The following ENG variants were observed in gnomAD, a reference collection of about 807,000 sequenced individuals.
The protein encoded by ENG is endoglin.
ENG carries 17 observed loss-of-function variants against 71.0 expected under a neutral mutation model. That is an observed-to-expected ratio of 0.24 (90% CI 0.16 to 0.36). The LOEUF is 0.36. Ranked by LOEUF, ENG falls within the 10% of genes least tolerant of loss-of-function variation. The pLI, the probability that ENG is intolerant of heterozygous loss-of-function variation, is 1.00. For missense variants in ENG, 749 were observed against 868.3 expected (o/e 0.86, Z 1.73); for synonymous variants, 360 against 366.9 (o/e 0.98, Z 0.21).
chr9:127,824,494 C>T lies in ENG; in HGVS notation c.992-48G>A. 3.7e-6 allele frequency: 5 copies of T among 1,364,886 alleles called. 1 individual carries two copies. Among genetic ancestry groups the T allele is most frequent in the South Asian group, 3.5e-5 (3 of 84,692 alleles). 84.5% of individuals were successfully genotyped at this position (1,364,886 alleles called of 1,614,324 possible). On this transcript the variant is annotated intron_variant, in intron 7 of 14. Coordinates refer to ENST00000373203, the MANE Select transcript of ENG (RefSeq NM_001114753.3). Reference sequence around the variant, plus strand: ...CAGGCGGCTGGTCACTGTGTGATCACTGTGTGCCCGCACCAGGCTTTTTTT... The same window carrying T: ...CAGGCGGCTGGTCACTGTGTGATCATTGTGTGCCCGCACCAGGCTTTTTTT...
intron 4 of ENG, 79 bp from the exon 5 acceptor site, chr9:127,825,939 A>G (rs1830605525): frequency 1.3e-6 from 2 of 1,529,472 alleles, no homozygotes; most frequent in East Asian, 4.9e-5. Context: ...CCACAGCCAA[A>G]GATAGTGGTG....
At chr9:127,825,634 G>GC in intron 5 of ENG, 61 bp downstream of exon 5, 1 of 1,378,426 alleles carries the variant, frequency 7.3e-7, no homozygotes, top group Non-Finnish European at 9.6e-7. Context: ...GGGGCGGGGG[G>GC]GGTCAGGGGG....
intron 2 of ENG, among the ~76,000 whole-genome samples, chr9:127,834,453 A>G (rs1249405895): frequency 6.6e-6 from 1 of 151,884 alleles, no homozygotes; most frequent in Non-Finnish European, 1.5e-5. Context: ...TCTGTTGCCC[A>G]GGCTAAAGTA....
intron 6 of ENG, 126 bp from the exon 7 acceptor site, chr9:127,825,100 C>G (rs779772383): frequency 2.2e-4 from 357 of 1,593,894 alleles, no homozygotes; most frequent in South Asian, 1.5e-3. Context: ...TCTGCCTGGC[C>G]CCTTCCCTCA....
In ENG at chr9:127,817,398, T is replaced by C. The variant is rs1399982916; in HGVS notation, c.1687-195A>G. 6.1e-6 allele frequency: 4 copies of C among 651,366 alleles called. 1 individual carries two copies. In the East Asian group the frequency reaches 1.1e-4, roughly 18 times the overall value. 40.3% of individuals were successfully genotyped at this position (651,366 alleles called of 1,614,324 possible). A position where few individuals can be genotyped will look rare whatever the true frequency, so the allele number is the denominator to read the frequency against. ...GGGTGCCTAGTGGACGATCCCTGGC[T>C]GCTGCTGAAATGTTTCCTGTGAGTT... On this transcript the variant is annotated intron_variant, in intron 12 of 14. Transcript: ENST00000373203.
chr9:127,816,124 C>G (rs1830307590), intron 13 of ENG, 71 bp from the exon 14 acceptor site: 2 of 1,556,146 alleles, frequency 1.3e-6, no homozygotes, highest in Non-Finnish European at 1.7e-6. Flanking sequence ...TGTGCTGGCC[C>G]ATGTGGGCTT....
intron 1 of ENG, 28 bp from the exon 2 acceptor site, chr9:127,843,273 CAGGTG>C (rs1408476475): frequency 6.2e-7 from 1 of 1,613,846 alleles, no homozygotes; most frequent in Non-Finnish European, 8.5e-7. Flanking sequence ...GGAAAGAGGC[CAGGTG>C]AGAATAAGGT....
intron 2 of ENG, among the ~76,000 whole-genome samples, chr9:127,841,400 G>C (rs549799101): frequency 8.5e-5 from 13 of 152,226 alleles, no homozygotes; most frequent in African/African-American, 3.1e-4. Flanking sequence ...GGGGATCCCA[G>C]TCACCCAGAG....
At chr9:127,852,196 G>A (rs559958539) in intron 1 of ENG, among the ~76,000 whole-genome samples, 2 of 152,204 alleles carry the variant, frequency 1.3e-5, no homozygotes, top group Admixed American at 6.5e-5. Context: ...TTTGTTACAG[G>A]TACCCACGGA....
intron 13 of ENG, 192 bp downstream of exon 13, chr9:127,816,957 A>C (rs1280504479): frequency 7.4e-6 from 5 of 673,132 alleles, no homozygotes; most frequent in Non-Finnish European, 1.3e-5. Context: ...TCCATCTGCA[A>C]AGTGCAGCTC....
intron 2 of ENG, among the ~76,000 whole-genome samples, chr9:127,834,498 G>T (rs532043314): frequency 1.3e-5 from 2 of 152,166 alleles, no homozygotes; most frequent in African/African-American, 2.4e-5. Context: ...TCCACCTCCT[G>T]GGTTCAAGCA....
At chr9:127,843,317 T>A in intron 1 of ENG, 72 bp from the exon 2 acceptor site, 1 of 1,605,000 alleles carries the variant, frequency 6.2e-7, no homozygotes, top group Non-Finnish European at 8.5e-7. Flanking sequence ...TTTCCAAACG[T>A]CTCCTAGGGA....
rs1831087559 is a variant in ENG, at chr9:127,843,315, C to T, written c.68-70G>A. ...ATGACAATGACTCCTACTTTCCAAACGTCTCCTAGGGACTTGACATGAGCT... is the reference window on the plus strand; with the variant it reads ...ATGACAATGACTCCTACTTTCCAAATGTCTCCTAGGGACTTGACATGAGCT... On this transcript the variant is annotated intron_variant, in intron 1 of 14. Coordinates refer to ENST00000373203, the MANE Select transcript of ENG (RefSeq NM_001114753.3). 8.1e-6 allele frequency: 13 copies of T among 1,607,098 alleles called. 1 individual carries two copies. Among genetic ancestry groups the T allele is most frequent in the South Asian group, 7.7e-5 (7 of 90,704 alleles).
intron 10 of ENG, chr9:127,819,172 C>T (rs1053613395): frequency 8.4e-5 from 29 of 343,390 alleles, no homozygotes; most frequent in African/African-American, 5.1e-4. Flanking sequence ...CTCTTCACCT[C>T]GTGATCTGCC....
chr9:127,832,069 C>CTTTTTTTTTTTT (rs1041729379), intron 2 of ENG, among the ~76,000 whole-genome samples: 9 of 83,620 alleles, frequency 1.1e-4, no homozygotes, highest in African/African-American at 4.5e-4. Context: ...AGCTACCATT[C>CTTTTTTTTTTTT]TTTTTTTTTT....
rs150293362 is a variant in ENG at position 127,819,920 on chromosome 9, C to G, written c.1252G>C (p.Ala418Pro). The change falls in exon 9 of 15, where the codon GCA (alanine) becomes CCA (proline). Residue 418 changes from alanine (A) to proline (P), a missense_variant. Coordinates refer to ENST00000373203, the MANE Select transcript of ENG (RefSeq NM_001114753.3). ...CTTACCTCATTGCTGATCATACTTG[C>G]TGACACCTGCATGCCACAGCTGGAG... ...AYSSCGMQVS[A>P]SMISNEAVVN... The G allele has an allele frequency of 6.2e-5, 100 of 1,614,142 alleles. No individual in the cohort carries two copies. Among genetic ancestry groups the G allele is most frequent in the Non-Finnish European group, 8.2e-5 (97 of 1,180,058 alleles).
intron 5 of ENG, among the ~76,000 whole-genome samples, 155 bp from the exon 6 acceptor site, chr9:127,825,512 A>AC (rs1288494333): frequency 4.0e-5 from 6 of 150,414 alleles, no homozygotes; most frequent in African/African-American, 1.5e-4. Flanking sequence ...GCCCAAAGGG[A>AC]AGGGGCCCAT....
Position 127,825,856 on chromosome 9 carries a change from C to T in ENG, c.528G>A (p.Gln176=), listed in dbSNP as rs777400454. The change falls in exon 5 of 15, where the codon CAG becomes CAA. Residue 176 remains glutamine (Q), a synonymous_variant. Transcript: ENST00000373203. ...CCAGCATGCAGAAGGACAGTGACCC[C>T]TGGGCTGCAGAGACACGCGCACCTC... ...QSILLRLGQA[Q]GSLSFCMLEA... is the part of the protein sequence containing the mutation. 6.3e-7 allele frequency: 1 copy of T among 1,590,762 alleles called. No homozygotes were observed.
Position 127,837,841 on chromosome 9 carries a change from T to C in ENG, c.219+5253A>G, listed in dbSNP as rs1244549852. The stretch of plus-strand genomic sequence containing the variant: ...AACAGATATTGATTCCTGGGCTGAC[T>C]TCGAGCTTAACACCAAAGATTCAGC... On this transcript the variant is annotated intron_variant, in intron 2 of 14. Transcript: ENST00000373203. Among the ~76,000 whole-genome samples, 51 of 103,248 alleles carry C rather than the reference T, an allele frequency of 4.9e-4. 1 individual carries two copies. 67.7% of individuals were successfully genotyped at this position (103,248 alleles called of 152,430 possible).
Sources: gnomAD v4.1 joint callset for allele counts (sites outside exome capture counted in the v4.1 genomes callset) on GRCh38, gnomAD v4.1.1 for gene constraint, MANE v1.5 for transcripts, NCBI Gene and HGNC (gene_info 2026-07-23, HGNC 2026-07-21) for gene names.